The following FBXO31 variants were observed in gnomAD, a reference collection of about 807,000 sequenced individuals.
The protein encoded by FBXO31 is F-box only protein 31.
A neutral mutation model predicts 54.4 loss-of-function variants in FBXO31; 24 were observed. That is an observed-to-expected ratio of 0.44 (90% CI 0.32 to 0.62). The LOEUF is 0.62. Ranked by LOEUF, FBXO31 falls within the 20% of genes least tolerant of loss-of-function variation. FBXO31 has a pLI of 0.05. For missense variants in FBXO31, 665 were observed against 787.1 expected (o/e 0.84, Z 1.86); for synonymous variants, 388 against 335.6 (o/e 1.16, Z -1.71).
Position 87,345,290 on chromosome 16 carries a change from G to T in FBXO31, c.490-1525C>A, listed in dbSNP as rs1433642758. Among the ~76,000 whole-genome samples the T allele has an allele frequency of 2.2e-5, 3 of 138,974 alleles. No homozygotes were observed. Among genetic ancestry groups the T allele is most frequent in the Non-Finnish European group, 4.6e-5 (3 of 65,354 alleles). The allele number at this position is 138,974 out of a possible 152,430, so 91.2% of individuals were successfully genotyped here. On this transcript the variant is annotated intron_variant, in intron 3 of 8. Coordinates refer to ENST00000311635, the MANE Select transcript of FBXO31 (RefSeq NM_024735.5). The surrounding 1 kb of genome is among the most constrained non-coding windows in gnomAD (Gnocchi z 4.9). ...AACAAAGTCAGGGCGGGGCTTTCCG[G>T]AAAGTTCAAGAGGCTCCAGCAGGAG...
intron 1 of FBXO31, among the ~76,000 whole-genome samples, chr16:87,365,578 G>C (rs1018914686): frequency 3.9e-5 from 6 of 152,214 alleles, no homozygotes; most frequent in Non-Finnish European, 8.8e-5. Flanking sequence ...TACCCGGGAT[G>C]GCTGGAGGAG....
At chr16:87,372,521 G>A (rs1467032457) in intron 1 of FBXO31, among the ~76,000 whole-genome samples, 1 of 152,132 alleles carries the variant, frequency 6.6e-6, no homozygotes, top group South Asian at 2.1e-4. Context: ...ATCAGAACCA[G>A]TGGGCTCAAC....
intron 5 of FBXO31, among the ~76,000 whole-genome samples, chr16:87,337,814 C>T (rs1905078425): frequency 7.1e-6 from 1 of 140,112 alleles, no homozygotes; most frequent in Admixed American, 7.2e-5. Flanking sequence ...GTGATGCTAC[C>T]AAACTTCTAT....
chr16:87,345,859 C>T lies in FBXO31; in HGVS notation c.489+1315G>A, dbSNP rs1905361963. On this transcript the variant is annotated intron_variant, in intron 3 of 8. Transcript: ENST00000311635. This position sits in a 1 kb window ranked among gnomAD's most constrained non-coding sequence, Gnocchi z 4.9. ...GTCTGGCACCTGCAGGCTGGAGAGGCACACACGGAGACCAGGTCTACACAG... is the reference window on the plus strand; with the variant it reads ...GTCTGGCACCTGCAGGCTGGAGAGGTACACACGGAGACCAGGTCTACACAG... Among the ~76,000 whole-genome samples, 1 of 152,036 alleles carries T rather than the reference C, an allele frequency of 6.6e-6. No individual in the cohort carries two copies. The highest frequency in any genetic ancestry group is 1.5e-5 in the Non-Finnish European group (1 of 67,992).
intron 2 of FBXO31, among the ~76,000 whole-genome samples, chr16:87,355,986 T>C (rs944762599): frequency 6.6e-6 from 1 of 152,038 alleles, no homozygotes; most frequent in Non-Finnish European, 1.5e-5. Flanking sequence ...TGTCCCCTTG[T>C]ATTGAAAAGC....
At chr16:87,350,701 T>G (rs575972755) in intron 2 of FBXO31, among the ~76,000 whole-genome samples, 1 of 151,618 alleles carries the variant, frequency 6.6e-6, no homozygotes, top group East Asian at 2.0e-4. Flanking sequence ...TTTTCAAAAT[T>G]TCATCATGAA....
intron 4 of FBXO31, 108 bp downstream of exon 4, chr16:87,343,490 A>C (rs919684950): frequency 1.5e-6 from 2 of 1,363,628 alleles, no homozygotes; most frequent in Non-Finnish European, 2.0e-6. Context: ...CCACCCGCCG[A>C]TCTGCTACAG....
At chr16:87,363,241 G>A (rs777956508) in intron 1 of FBXO31, among the ~76,000 whole-genome samples, 7 of 152,128 alleles carry the variant, frequency 4.6e-5, no homozygotes, top group South Asian at 2.1e-4. Flanking sequence ...AAAATTAGCC[G>A]GGCATGGTGG....
chr16:87,339,356 T>A (rs372215760), intron 5 of FBXO31, among the ~76,000 whole-genome samples: 1 of 152,144 alleles, frequency 6.6e-6, no homozygotes. Context: ...TCCCAGCTGA[T>A]GCATGAATCC....
At chr16:87,385,089 G>A (rs1597383548), upstream of FBXO31, among the ~76,000 whole-genome samples, 1 of 152,112 alleles carries the variant, frequency 6.6e-6, no homozygotes, top group East Asian at 1.9e-4. Flanking sequence ...GGAGGCCGAG[G>A]CGGGTAGATC....
intron 2 of FBXO31, among the ~76,000 whole-genome samples, chr16:87,353,519 G>C (rs1043312949): frequency 6.6e-6 from 1 of 152,268 alleles, no homozygotes; most frequent in African/African-American, 2.4e-5. Flanking sequence ...CTTCCGAGAA[G>C]ACAGAGACTC....
chr16:87,370,002 T>A (rs1906529922), intron 1 of FBXO31, among the ~76,000 whole-genome samples: 1 of 152,214 alleles, frequency 6.6e-6, no homozygotes, highest in Non-Finnish European at 1.5e-5. Context: ...CACCAACCTC[T>A]GCACACCATC....
chr16:87,357,361 C>T (rs1243280403), intron 2 of FBXO31, among the ~76,000 whole-genome samples: 1 of 145,548 alleles, frequency 6.9e-6, no homozygotes, highest in Non-Finnish European at 1.5e-5. Context: ...CAGAGTCTCG[C>T]TCTTGTCTCC....
At chr16:87,385,934 C>T (rs1907312800), upstream of FBXO31, 1 of 152,078 alleles carries the variant, frequency 6.6e-6, no homozygotes, top group South Asian at 2.1e-4. Context: ...TTACTTGAAC[C>T]CGGGAGGTGG....
chr16:87,351,909 A>G (rs1472919958), intron 2 of FBXO31, among the ~76,000 whole-genome samples: 1 of 152,040 alleles, frequency 6.6e-6, no homozygotes, highest in Non-Finnish European at 1.5e-5. Context: ...CTTCACATGG[A>G]GAGACGCTCT....
chr16:87,366,117 C>T (rs761790315), intron 1 of FBXO31, among the ~76,000 whole-genome samples: 2 of 152,062 alleles, frequency 1.3e-5, no homozygotes, highest in Non-Finnish European at 2.9e-5. Flanking sequence ...AGAGGAGGCA[C>T]GAGGACTGAA....
intron 1 of FBXO31, among the ~76,000 whole-genome samples, chr16:87,368,927 G>A (rs1014223319): frequency 6.6e-6 from 1 of 152,008 alleles, no homozygotes; most frequent in African/African-American, 2.4e-5. Flanking sequence ...AGCCTACCAA[G>A]TAGCTGGGAT....
At chr16:87,370,656 G>A (rs557212595) in intron 1 of FBXO31, among the ~76,000 whole-genome samples, 55 of 152,316 alleles carry the variant, frequency 3.6e-4, no homozygotes, top group African/African-American at 1.2e-3. Context: ...CTGTGAGACA[G>A]GCAGAGGCAG....
At chr16:87,354,429 C>G (rs926844332) in intron 2 of FBXO31, among the ~76,000 whole-genome samples, 1 of 151,808 alleles carries the variant, frequency 6.6e-6, no homozygotes, top group Non-Finnish European at 1.5e-5. Context: ...CATAACCGCG[C>G]CAGTACTCCA....
Sources: allele counts gnomAD v4.1 joint callset (sites outside exome capture counted in the v4.1 genomes callset), GRCh38; gene constraint gnomAD v4.1.1; non-coding constraint Gnocchi (gnomAD v3.1); transcripts MANE v1.5; gene names NCBI Gene and HGNC (gene_info 2026-07-23, HGNC 2026-07-21).